MLLT3: variants seen among roughly 807,000 people sequenced by gnomAD.
MLLT3 encodes protein AF-9.
Under a neutral mutation model 53.2 loss-of-function variants are expected in MLLT3, and 4 were observed. That is an observed-to-expected ratio of 0.08 (90% CI 0.04 to 0.17). MLLT3 has a LOEUF of 0.17. MLLT3 is among the 10% of genes least tolerant of loss of function. The probability of loss-of-function intolerance (pLI) is 1.00; values close to 1 mark genes in which losing one functional copy is unlikely to be tolerated. For missense variants in MLLT3, 569 were observed against 684.0 expected, an observed-to-expected ratio of 0.83 and a Z score of 1.87; for synonymous variants, 283 against 230.6, an observed-to-expected ratio of 1.23 and a Z score of -2.06.
intron 5 of MLLT3, among the ~76,000 whole-genome samples, chr9:20,366,605 T>C (rs1404525363): frequency 1.3e-5 from 2 of 152,140 alleles, no homozygotes; most frequent in Admixed American, 1.3e-4. Context: ...TTCTAGATCC[T>C]TGAGAAATCC....
At chr9:20,387,322 C>T (rs925317304) in intron 5 of MLLT3, among the ~76,000 whole-genome samples, 1 of 152,162 alleles carries the variant, frequency 6.6e-6, no homozygotes, top group Non-Finnish European at 1.5e-5. Context: ...TTTGCTGATC[C>T]CTGCTCCATG....
chr9:20,405,470 G>A (rs1034916470), intron 5 of MLLT3, among the ~76,000 whole-genome samples: 2 of 152,180 alleles, frequency 1.3e-5, no homozygotes, highest in East Asian at 3.8e-4. Context: ...TCTGAACAAG[G>A]TTTAATCATC....
intron 5 of MLLT3, among the ~76,000 whole-genome samples, chr9:20,410,354 T>C (rs1215004627): frequency 6.6e-6 from 1 of 152,158 alleles, no homozygotes; most frequent in Non-Finnish European, 1.5e-5. Flanking sequence ...TTTTTATTAG[T>C]GTGTTAACGT....
chr9:20,621,251 G>C lies in MLLT3; in HGVS notation c.13-417C>G, dbSNP rs1820998550. On this transcript the variant is annotated intron_variant, in intron 1 of 10. Coordinates refer to ENST00000380338, the MANE Select transcript of MLLT3 (RefSeq NM_004529.4). This position sits in a 1 kb window ranked among gnomAD's most constrained non-coding sequence, Gnocchi z 7.0. Reference sequence around the variant, plus strand: ...ACCCAGGGGGACCGAAGGGCTCCTGGCGAGCCCCCTCCCCGAAAGTACCGC... The same window carrying C: ...ACCCAGGGGGACCGAAGGGCTCCTGCCGAGCCCCCTCCCCGAAAGTACCGC... 6.6e-6 allele frequency among the ~76,000 whole-genome samples: 1 copy of C among 152,210 alleles called. No homozygotes were observed. The highest frequency in any genetic ancestry group is 1.5e-5 in the Non-Finnish European group (1 of 68,032).
rs540436798 is a variant in MLLT3 at position 20,508,652 on chromosome 9, G to A, written c.194-51866C>T. Among the ~76,000 whole-genome samples, 20 of 152,186 alleles carry A rather than the reference G, an allele frequency of 1.3e-4. 1 individual carries two copies. Among genetic ancestry groups the A allele is most frequent in the African/African-American group, 2.9e-4 (12 of 41,536 alleles). On this transcript the variant is annotated intron_variant, in intron 2 of 10. Transcript: ENST00000380338. ...CATACAATTCAAGTAGACTAGCCTC[G>A]TAAATTAAAGAAACTTAACAGAACA...
At chr9:20,603,220 C>A (rs1820478800) in intron 2 of MLLT3, among the ~76,000 whole-genome samples, 1 of 151,968 alleles carries the variant, frequency 6.6e-6, no homozygotes. Flanking sequence ...CATATAGCCA[C>A]ATTGTTTTTC....
At position 20,341,897 on chromosome 9, in the gene MLLT3, C is replaced by T. The variant is rs538991472; in HGVS notation, c.*4546G>A. 1 of 204,000 alleles carries T rather than the reference C, an allele frequency of 4.9e-6. No individual in the cohort carries two copies. The highest frequency in any genetic ancestry group is 1.9e-4 in the South Asian group (1 of 5,254). The allele number at this position is 204,000 out of a possible 1,614,324, so 12.6% of individuals were successfully genotyped here. On this transcript the variant is annotated 3_prime_UTR_variant, in exon 11 of 11. Transcript: ENST00000380338. ...AGTTTATGCCAAAAAATGTATCCCA[C>T]CACTTCTTGTTCCAATCTTTGCAGA...
At chr9:20,502,546 C>T (rs147397549) in intron 2 of MLLT3, among the ~76,000 whole-genome samples, 60 of 152,276 alleles carry the variant, frequency 3.9e-4, no homozygotes, top group Admixed American at 3.3e-3. Context: ...TACATCTGTA[C>T]TGAACTTTTT....
At chr9:20,602,950 A>G in intron 2 of MLLT3, among the ~76,000 whole-genome samples, 1 of 152,102 alleles carries the variant, frequency 6.6e-6, no homozygotes, top group African/African-American at 2.4e-5. Flanking sequence ...AATTCCACAA[A>G]TTCAGTAGTT....
chr9:20,386,385 C>T (rs16938046), intron 5 of MLLT3, among the ~76,000 whole-genome samples: 22,714 of 152,102 alleles, frequency 0.15, 4,234 homozygotes, highest in African/African-American at 0.44. Context: ...CCTACTACCT[C>T]AGAAGCCAAT....
At chr9:20,522,560 A>G (rs1328234625) in intron 2 of MLLT3, among the ~76,000 whole-genome samples, 4 of 152,138 alleles carry the variant, frequency 2.6e-5, no homozygotes, top group Non-Finnish European at 2.9e-5. Context: ...CTTGTTTCAA[A>G]TAGGTAAGGA....
At chr9:20,568,697 A>T (rs1401905437) in intron 2 of MLLT3, among the ~76,000 whole-genome samples, 1 of 152,216 alleles carries the variant, frequency 6.6e-6, no homozygotes. Flanking sequence ...AAGTAAGACA[A>T]GTTAATTTCT....
At chr9:20,590,474 G>A (rs528972742) in intron 2 of MLLT3, among the ~76,000 whole-genome samples, 30 of 152,228 alleles carry the variant, frequency 2.0e-4, no homozygotes, top group Non-Finnish European at 3.1e-4. Context: ...GAGTTCTCAC[G>A]GGAATTTATG....
chr9:20,546,920 C>A (rs1326939804), intron 2 of MLLT3, among the ~76,000 whole-genome samples: 1 of 152,138 alleles, frequency 6.6e-6, no homozygotes, highest in Non-Finnish European at 1.5e-5. Context: ...GTTCTTCTGC[C>A]CAGCCTGCTG....
At chr9:20,509,872 A>T (rs7026150) in intron 2 of MLLT3, among the ~76,000 whole-genome samples, 103,742 of 149,588 alleles carry the variant, frequency 0.69, 36,162 homozygotes, top group East Asian at 0.81. Context: ...TACAATTATT[A>T]TTTTTTTTTT....
At chr9:20,518,035 TATGAATGA>T (rs529232401) in intron 2 of MLLT3, among the ~76,000 whole-genome samples, 2 of 152,018 alleles carry the variant, frequency 1.3e-5, no homozygotes, top group Non-Finnish European at 2.9e-5. Context: ...AGCATAGTGC[TATGAATGA>T]ATGAATGAAT....
chr9:20,434,982 T>C (rs1187112782), intron 4 of MLLT3, among the ~76,000 whole-genome samples: 2 of 152,124 alleles, frequency 1.3e-5, no homozygotes, highest in Non-Finnish European at 2.9e-5. Context: ...ACTTTGATCA[T>C]CTGATGATTT....
intron 2 of MLLT3, among the ~76,000 whole-genome samples, chr9:20,561,295 C>T (rs1819203179): frequency 6.6e-6 from 1 of 152,264 alleles, no homozygotes; most frequent in Non-Finnish European, 1.5e-5. Context: ...CATTGGCACA[C>T]TTACATTTTT....
intron 5 of MLLT3, among the ~76,000 whole-genome samples, chr9:20,382,134 T>G (rs1171570557): frequency 6.6e-6 from 1 of 151,890 alleles, no homozygotes; most frequent in East Asian, 1.9e-4. Context: ...ATTTTTTTCT[T>G]AATTAGATGA....
Sources: allele counts gnomAD v4.1 joint callset (sites outside exome capture counted in the v4.1 genomes callset), GRCh38; gene constraint gnomAD v4.1.1; non-coding constraint Gnocchi (gnomAD v3.1); transcripts MANE v1.5; gene names NCBI Gene and HGNC (gene_info 2026-07-23, HGNC 2026-07-21).